PCDHGA1: variants seen among roughly 807,000 people sequenced by gnomAD.
PCDHGA1 encodes protocadherin gamma subfamily A, 1, also known as protocadherin gamma-A1.
Under a neutral mutation model 58.0 loss-of-function variants are expected in PCDHGA1, and 32 were observed. The ratio of observed to expected loss-of-function variants is 0.55; its 90% confidence interval spans 0.42 to 0.74. The LOEUF (loss-of-function observed/expected upper bound fraction) is 0.74. PCDHGA1 is among the 30% of genes least tolerant of loss of function. The probability of loss-of-function intolerance (pLI) is 0.00; values close to 1 mark genes in which losing one functional copy is unlikely to be tolerated. For missense variants in PCDHGA1, 1,205 were observed against 1,182.3 expected, an observed-to-expected ratio of 1.02 and a Z score of -0.28; for synonymous variants, 498 against 501.1, an observed-to-expected ratio of 0.99 and a Z score of 0.08.
In PCDHGA1 at chr5:141,474,057, G is replaced by A. The variant is rs546654716; in HGVS notation, c.2422-20750G>A. Among the ~76,000 whole-genome samples, 3 of 152,192 alleles carry A rather than the reference G, an allele frequency of 2.0e-5. No homozygotes were observed. In the East Asian group the frequency reaches 5.8e-4, roughly 29 times the overall value. On this transcript the variant is annotated intron_variant, in intron 1 of 3. Transcript: ENST00000517417. ...TGTACTCCAGCCTGGATGACAGAGC[G>A]AGATCCTGCCTCAGAAACAAAAACC... is the stretch of plus-strand genomic sequence containing the variant.
At chr5:141,362,586 T>C in intron 1 of PCDHGA1, 2 of 1,595,214 alleles carry the variant, frequency 1.3e-6, no homozygotes, top group Non-Finnish European at 1.7e-6. Context: ...TTTTCACTTC[T>C]GGTTTTATTG....
intron 1 of PCDHGA1, chr5:141,400,548 T>C: frequency 6.2e-7 from 1 of 1,613,656 alleles, no homozygotes; most frequent in South Asian, 1.1e-5. Context: ...ATGTCTATTC[T>C]TTTTCATTAC....
intron 1 of PCDHGA1, chr5:141,427,255 G>C (rs1369151995): frequency 2.2e-6 from 1 of 456,746 alleles, no homozygotes; most frequent in Non-Finnish European, 4.4e-6. Flanking sequence ...GATGGTGGAG[G>C]CATGACCAGC....
At chr5:141,467,596 C>G (rs2099147035) in intron 1 of PCDHGA1, among the ~76,000 whole-genome samples, 1 of 152,202 alleles carries the variant, frequency 6.6e-6, no homozygotes, top group South Asian at 2.1e-4. Context: ...ATTTATTAAG[C>G]ACTTCATCTT....
chr5:141,422,328 TGCTCTTCTAAA>T (rs2096641385), intron 1 of PCDHGA1: 1 of 1,548,384 alleles, frequency 6.5e-7, no homozygotes, highest in Admixed American at 2.1e-5. Flanking sequence ...GTACAGTGAT[TGCTCTTCTAAA>T]TGTGCAAGAT....
intron 1 of PCDHGA1, chr5:141,399,261 T>G: frequency 1.2e-6 from 2 of 1,613,918 alleles, no homozygotes; most frequent in Non-Finnish European, 1.7e-6. Context: ...ATGGGGAGGT[T>G]AATTGTCAAT....
chr5:141,476,756 C>T lies in PCDHGA1; in HGVS notation c.2422-18051C>T. On this transcript the variant is annotated intron_variant, in intron 1 of 3. Transcript: ENST00000517417. The surrounding 1 kb of genome is among the most constrained non-coding windows in gnomAD (Gnocchi z 7.6). ...ACGGGAGCCTAGTCTCCAGTTAGTGCTGACGGCGTTGGACGGAGGGACCCC... is the reference window on the plus strand; with the variant it reads ...ACGGGAGCCTAGTCTCCAGTTAGTGTTGACGGCGTTGGACGGAGGGACCCC... 3 of 1,613,928 alleles carry T rather than the reference C, an allele frequency of 1.9e-6. No homozygotes were observed. Among genetic ancestry groups the T allele is most frequent in the Non-Finnish European group, 2.5e-6 (3 of 1,180,010 alleles).
At chr5:141,364,496 C>A in intron 1 of PCDHGA1, 3 of 1,613,998 alleles carry the variant, frequency 1.9e-6, no homozygotes, top group South Asian at 2.2e-5. Flanking sequence ...TGGGCTGGAG[C>A]CCCAGGAGCT....
At chr5:141,365,471 G>C in intron 1 of PCDHGA1, 1 of 1,614,030 alleles carries the variant, frequency 6.2e-7, no homozygotes, top group South Asian at 1.1e-5. Flanking sequence ...AGAAAATGGT[G>C]AGATTGCATG....
chr5:141,382,910 A>G, intron 1 of PCDHGA1: 1 of 1,546,576 alleles, frequency 6.5e-7, no homozygotes. Flanking sequence ...ATGGCGGCTC[A>G]GCCGAGGGGC....
At chr5:141,462,217 C>T (rs1469685983) in intron 1 of PCDHGA1, among the ~76,000 whole-genome samples, 1 of 152,216 alleles carries the variant, frequency 6.6e-6, no homozygotes, top group South Asian at 2.1e-4. Flanking sequence ...GCCTCGGCCT[C>T]CCAAAGTGCA....
At chr5:141,480,298 C>T (rs1238380283) in intron 1 of PCDHGA1, among the ~76,000 whole-genome samples, 1 of 132,676 alleles carries the variant, frequency 7.5e-6, no homozygotes, top group Non-Finnish European at 1.6e-5. Flanking sequence ...ACCTGTGGTA[C>T]CAGCTACTTG....
intron 1 of PCDHGA1, chr5:141,398,937 C>T (rs2093727338): frequency 1.9e-6 from 3 of 1,613,902 alleles, no homozygotes; most frequent in Non-Finnish European, 2.5e-6. Flanking sequence ...CTGACCAAGA[C>T]GAGGGCATCA....
At chr5:141,419,728 A>T (rs2096421858) in intron 1 of PCDHGA1, 1 of 1,613,466 alleles carries the variant, frequency 6.2e-7, no homozygotes. Flanking sequence ...GGCTGCGAAC[A>T]GGCGAGGTGC....
At chr5:141,414,394 A>G in intron 1 of PCDHGA1, 1 of 1,613,930 alleles carries the variant, frequency 6.2e-7, no homozygotes, top group Non-Finnish European at 8.5e-7. Flanking sequence ...CAGTTATTAC[A>G]GATTGGTGAT....
chr5:141,423,877 C>G, intron 1 of PCDHGA1: 1 of 1,283,890 alleles, frequency 7.8e-7, no homozygotes, highest in South Asian at 3.4e-5. Flanking sequence ...ATTTTTCAAT[C>G]TTGGCATATT....
intron 1 of PCDHGA1, chr5:141,371,386 G>GT: frequency 6.2e-7 from 1 of 1,614,006 alleles, no homozygotes; most frequent in Non-Finnish European, 8.5e-7. Context: ...ACTGCATATT[G>GT]TAAAGTACAG....
chr5:141,376,421 A>C (rs765897100), intron 1 of PCDHGA1: 1 of 1,614,248 alleles, frequency 6.2e-7, no homozygotes, highest in Non-Finnish European at 8.5e-7. Flanking sequence ...CGACACGCTT[A>C]TCAACCAGGA....
intron 1 of PCDHGA1, chr5:141,350,389 A>T (rs531444632): frequency 6.3e-7 from 1 of 1,596,640 alleles, no homozygotes; most frequent in South Asian, 1.1e-5. Context: ...CCAACGGCTC[A>T]CGGGTGGGGA....
Sources: allele counts gnomAD v4.1 joint callset (sites outside exome capture counted in the v4.1 genomes callset), GRCh38; gene constraint gnomAD v4.1.1; non-coding constraint Gnocchi (gnomAD v3.1); transcripts MANE v1.5; gene names NCBI Gene and HGNC (gene_info 2026-07-23, HGNC 2026-07-21).